FHIT: variants seen among roughly 807,000 people sequenced by gnomAD.
The protein encoded by FHIT is fragile histidine triad diadenosine triphosphatase.
Under a neutral mutation model 17.9 loss-of-function variants are expected in FHIT, and 19 were observed. That is an observed-to-expected ratio of 1.06 (90% CI 0.74 to 1.56). The LOEUF (loss-of-function observed/expected upper bound fraction) is 1.56, where lower values mean the gene tolerates loss of function less well. FHIT is among the 40% of genes most tolerant of loss of function. FHIT has a pLI of 0.00. For missense variants in FHIT, 248 were observed against 189.2 expected, an observed-to-expected ratio of 1.31 and a Z score of -1.82; for synonymous variants, 81 against 69.7, an observed-to-expected ratio of 1.16 and a Z score of -0.81.
chr3:60,415,586 G>A (rs1167426464), intron 5 of FHIT, among the ~76,000 whole-genome samples: 2 of 151,954 alleles, frequency 1.3e-5, no homozygotes, highest in Non-Finnish European at 2.9e-5. Context: ...CACAGGTGCT[G>A]GACAACCAAG....
rs568896003 is a variant in FHIT at position 59,778,003 on chromosome 3, T to C, written c.349-25682A>G. 1.5e-4 allele frequency among the ~76,000 whole-genome samples: 23 copies of C among 152,352 alleles called. 1 individual carries two copies. In the South Asian group the frequency reaches 4.6e-3, roughly 30 times the overall value. ...TTCATATGCATAAATACTTTCTTTATCATACCAAGTTTCATTTCCTTCTCA... is the reference window on the plus strand; with the variant it reads ...TTCATATGCATAAATACTTTCTTTACCATACCAAGTTTCATTTCCTTCTCA... On this transcript the variant is annotated intron_variant, in intron 8 of 9. Transcript: ENST00000492590.
chr3:61,039,102 G>A (rs2033386638), intron 3 of FHIT, among the ~76,000 whole-genome samples: 1 of 152,106 alleles, frequency 6.6e-6, no homozygotes, highest in Non-Finnish European at 1.5e-5. Context: ...AAGATTATAT[G>A]AGGAAATAGC....
chr3:61,002,514 G>A (rs559162908), intron 3 of FHIT, among the ~76,000 whole-genome samples: 5 of 152,010 alleles, frequency 3.3e-5, no homozygotes, highest in South Asian at 4.2e-4. Context: ...CTCCCACCTC[G>A]GCCTCCCAAA....
At chr3:60,627,883 G>C (rs536278766) in intron 4 of FHIT, among the ~76,000 whole-genome samples, 6 of 152,234 alleles carry the variant, frequency 3.9e-5, no homozygotes, top group African/African-American at 1.4e-4. Context: ...TGCTTAGTCA[G>C]TCTAGGTAAA....
rs1559778160 is a variant in FHIT, at chr3:60,860,170, GT to G, written c.-110-38160del. ...ATGGTATATATGATATACATCATATGTATATATGGTATACATGAGATACATC... is the reference window on the plus strand; with the variant it reads ...ATGGTATATATGATATACATCATATGATATATGGTATACATGAGATACATC... On this transcript the variant is annotated intron_variant, in intron 3 of 9. Coordinates refer to ENST00000492590, the MANE Select transcript of FHIT (RefSeq NM_002012.4). Among the ~76,000 whole-genome samples, 96 of 81,352 alleles carry G rather than the reference GT, an allele frequency of 1.2e-3. 6 individuals carry two copies. The highest frequency in any genetic ancestry group is 3.6e-3 in the African/African-American group (56 of 15,652). The allele number at this position is 81,352 out of a possible 152,430, so 53.4% of individuals were successfully genotyped here. A position where few individuals can be genotyped will look rare whatever the true frequency, so the allele number is the denominator to read the frequency against.
intron 3 of FHIT, among the ~76,000 whole-genome samples, chr3:60,912,182 C>T (rs1296512131): frequency 1.3e-5 from 2 of 151,990 alleles, no homozygotes; most frequent in Non-Finnish European, 2.9e-5. Flanking sequence ...AACTAGTAAA[C>T]AAACAAATAG....
At chr3:60,352,707 C>G (rs1483784803) in intron 5 of FHIT, among the ~76,000 whole-genome samples, 1 of 152,090 alleles carries the variant, frequency 6.6e-6, no homozygotes, top group Non-Finnish European at 1.5e-5. Context: ...GAGGAAGGGT[C>G]TTGCTATGTT....
At chr3:60,448,287 T>C (rs2031482801) in intron 5 of FHIT, among the ~76,000 whole-genome samples, 1 of 152,122 alleles carries the variant, frequency 6.6e-6, no homozygotes, top group African/African-American at 2.4e-5. Context: ...CCTAACCAAT[T>C]AATTGGTTTT....
intron 4 of FHIT, among the ~76,000 whole-genome samples, chr3:60,562,262 A>G (rs2036979216): frequency 6.6e-6 from 1 of 152,220 alleles, no homozygotes; most frequent in South Asian, 2.1e-4. Flanking sequence ...CAGTGAACAA[A>G]ACAGACAGTC....
chr3:59,795,144 G>A (rs1446875191), intron 8 of FHIT, among the ~76,000 whole-genome samples: 3 of 152,178 alleles, frequency 2.0e-5, no homozygotes, highest in Non-Finnish European at 2.9e-5. Flanking sequence ...CCAGCACCGT[G>A]GGAGGCTGAG....
At chr3:60,045,853 G>C (rs528968265) in intron 5 of FHIT, among the ~76,000 whole-genome samples, 1 of 152,174 alleles carries the variant, frequency 6.6e-6, no homozygotes, top group Non-Finnish European at 1.5e-5. Context: ...AGGAGAGCAC[G>C]CTTGGAAAGG....
At chr3:61,068,779 T>C (rs1448596826) in intron 2 of FHIT, among the ~76,000 whole-genome samples, 2 of 152,140 alleles carry the variant, frequency 1.3e-5, no homozygotes, top group African/African-American at 4.8e-5. Context: ...TCTTCCACAA[T>C]GTAGCCTTAT....
At chr3:61,105,381 G>T (rs751859080) in intron 2 of FHIT, among the ~76,000 whole-genome samples, 2 of 151,922 alleles carry the variant, frequency 1.3e-5, no homozygotes, top group Non-Finnish European at 2.9e-5. Context: ...TGTAACTCTG[G>T]GGTACTTGTA....
intron 7 of FHIT, among the ~76,000 whole-genome samples, chr3:60,007,252 T>C (rs1329170954): frequency 6.6e-6 from 1 of 152,180 alleles, no homozygotes; most frequent in Non-Finnish European, 1.5e-5. Context: ...GAAATGAATA[T>C]TGCCTTAATG....
chr3:60,068,688 A>T (rs1270168826), intron 5 of FHIT, among the ~76,000 whole-genome samples: 1 of 152,216 alleles, frequency 6.6e-6, no homozygotes, highest in Admixed American at 6.5e-5. Context: ...ACACATCTAA[A>T]TTTCACAATT....
intron 5 of FHIT, among the ~76,000 whole-genome samples, chr3:60,130,671 C>T (rs1407560753): frequency 6.6e-6 from 1 of 151,578 alleles, no homozygotes; most frequent in African/African-American, 2.4e-5. Flanking sequence ...AAATTATTTC[C>T]TTTCCAAAAA....
At chr3:60,103,979 T>C (rs1038030054) in intron 5 of FHIT, among the ~76,000 whole-genome samples, 4 of 152,194 alleles carry the variant, frequency 2.6e-5, no homozygotes, top group African/African-American at 2.4e-5. Flanking sequence ...AGAAAGGAAG[T>C]AATTCCTATG....
chr3:61,042,271 T>G (rs1230721421), intron 2 of FHIT, among the ~76,000 whole-genome samples, 172 bp from the exon 3 acceptor site: 1 of 152,256 alleles, frequency 6.6e-6, no homozygotes, highest in Non-Finnish European at 1.5e-5. Flanking sequence ...AGTATCACCC[T>G]GGTTAATTAA....
intron 4 of FHIT, among the ~76,000 whole-genome samples, chr3:60,577,915 A>G (rs1202494837): frequency 6.6e-6 from 1 of 152,144 alleles, no homozygotes; most frequent in Non-Finnish European, 1.5e-5. Flanking sequence ...CAGGTGACTC[A>G]AATTTCATAG....
Sources: gnomAD v4.1 joint callset for allele counts (sites outside exome capture counted in the v4.1 genomes callset) on GRCh38, gnomAD v4.1.1 for gene constraint, MANE v1.5 for transcripts, NCBI Gene and HGNC (gene_info 2026-07-23, HGNC 2026-07-21) for gene names.